The following POLE2 variants were observed in gnomAD, a reference collection of about 807,000 sequenced individuals.
The protein encoded by POLE2 is DNA polymerase epsilon subunit 2.
Under a neutral mutation model 79.4 loss-of-function variants are expected in POLE2, and 56 were observed. That is an observed-to-expected ratio of 0.71 (90% CI 0.57 to 0.88). The LOEUF (loss-of-function observed/expected upper bound fraction) is 0.88, where lower values mean the gene tolerates loss of function less well. POLE2 is among the 40% of genes least tolerant of loss of function. POLE2 has a pLI of 0.00. For synonymous variants in POLE2, 212 were observed against 214.0 expected (o/e 0.99, Z 0.08); for missense variants, 598 against 638.9 (o/e 0.94, Z 0.69).
chr14:49,651,607 C>A, intron 15 of POLE2: 1 of 352,002 alleles, frequency 2.8e-6, no homozygotes, highest in Non-Finnish European at 5.1e-6. Context: ...TCCCAGCCCT[C>A]ATACAGTTTA....
chr14:49,659,232 C>G (rs1422117506), intron 10 of POLE2, among the ~76,000 whole-genome samples: 1 of 147,430 alleles, frequency 6.8e-6, no homozygotes, highest in Non-Finnish European at 1.5e-5. Flanking sequence ...GCCTGAGCAA[C>G]ATAGTGAAGA....
At chr14:49,682,149 C>G (rs1032047530) in intron 2 of POLE2, among the ~76,000 whole-genome samples, 2 of 151,004 alleles carry the variant, frequency 1.3e-5, no homozygotes, top group Admixed American at 6.6e-5. Flanking sequence ...GGATTACAGG[C>G]GCCTGCCACC....
chr14:49,679,733 A>C lies in POLE2; in HGVS notation c.237T>G (p.Asp79Glu). The C allele has an allele frequency of 6.3e-7, 1 of 1,585,558 alleles. No homozygotes were observed. The highest frequency in any genetic ancestry group is 8.7e-7 in the Non-Finnish European group (1 of 1,154,340). Residue 79 changes from aspartate to glutamate, a missense_variant, in exon 3 of 19, where the codon GAT becomes GAG. Physicochemically the swap from Asp to Glu is conservative, Grantham distance 45 (BLOSUM62 2). Transcript: ENST00000216367. ...TAACTGTACCCACATACATAGTTTC[A>C]TCAACAGACTGACTGCATTCCTGGA... is the stretch of plus-strand genomic sequence containing the variant. ...AAVQECSQSV[D>E]ETIEHVFNII...
chr14:49,659,443 C>T (rs1043850570), intron 10 of POLE2, among the ~76,000 whole-genome samples: 4 of 152,038 alleles, frequency 2.6e-5, no homozygotes, highest in South Asian at 2.1e-4. Flanking sequence ...CTCACAAAAT[C>T]AGGATACAAA....
intron 10 of POLE2, among the ~76,000 whole-genome samples, chr14:49,658,858 T>C (rs966996381): frequency 6.6e-6 from 1 of 152,254 alleles, no homozygotes; most frequent in African/African-American, 2.4e-5. Flanking sequence ...ATGTATTTAC[T>C]GTACTTTTAA....
chr14:49,656,524 G>A (rs1884691752), intron 10 of POLE2, among the ~76,000 whole-genome samples: 1 of 152,062 alleles, frequency 6.6e-6, no homozygotes, highest in Non-Finnish European at 1.5e-5. Context: ...TAATCCTAAG[G>A]AATTAAAGAT....
At position 49,679,717 on chromosome 14, in the gene POLE2, C is replaced by G. The variant is rs1335682623; in HGVS notation, c.245+8G>C. 4 of 1,504,916 alleles carry G rather than the reference C, an allele frequency of 2.7e-6. No homozygotes were observed. In the African/African-American group the frequency reaches 5.5e-5, roughly 21 times the overall value. 93.2% of individuals were successfully genotyped at this position (1,504,916 alleles called of 1,614,324 possible). On this transcript the variant is annotated splice_region_variant and intron_variant, in intron 3 of 18. Transcript: ENST00000216367. Reference sequence around the variant, plus strand: ...CAAGGAGGAAAAAAGTTAACTGTACCCACATACATAGTTTCATCAACAGAC... The same window carrying G: ...CAAGGAGGAAAAAAGTTAACTGTACGCACATACATAGTTTCATCAACAGAC...
At chr14:49,681,123 A>C (rs2139688122) in intron 2 of POLE2, among the ~76,000 whole-genome samples, 1 of 152,344 alleles carries the variant, frequency 6.6e-6, no homozygotes, top group Admixed American at 6.5e-5. Flanking sequence ...TGCTAAGATA[A>C]AGTGGACAGT....
chr14:49,685,671 T>C (rs566609671), intron 1 of POLE2, among the ~76,000 whole-genome samples: 1 of 152,252 alleles, frequency 6.6e-6, no homozygotes, highest in Admixed American at 6.5e-5. Context: ...CAGGCTGAAG[T>C]GCAGTGGCGT....
intron 1 of POLE2, among the ~76,000 whole-genome samples, chr14:49,686,306 G>GC (rs1887132658): frequency 1.3e-5 from 2 of 152,176 alleles, no homozygotes; most frequent in African/African-American, 4.8e-5. Context: ...TCACCTCCTT[G>GC]ATTAGGTTGC....
intron 5 of POLE2, among the ~76,000 whole-genome samples, chr14:49,673,321 C>A (rs554226440): frequency 8.5e-5 from 13 of 152,308 alleles, no homozygotes; most frequent in Middle Eastern, 6.8e-3. Context: ...TTCCAAAGCA[C>A]CTCACACAAG....
At chr14:49,657,318 G>A (rs1232012915) in intron 10 of POLE2, among the ~76,000 whole-genome samples, 1 of 151,922 alleles carries the variant, frequency 6.6e-6, no homozygotes, top group African/African-American at 2.4e-5. Context: ...GCAAGGTACA[G>A]TATGTATCCA....
chr14:49,649,069 C>A (rs922859749), intron 17 of POLE2, among the ~76,000 whole-genome samples: 3 of 150,208 alleles, frequency 2.0e-5, no homozygotes, highest in Non-Finnish European at 3.0e-5. Context: ...TTTGACATAA[C>A]TGTGTTTATG....
At chr14:49,677,399 G>A in intron 3 of POLE2, 1 of 481,922 alleles carries the variant, frequency 2.1e-6, no homozygotes, top group Non-Finnish European at 3.8e-6. Context: ...GGCCATTCAT[G>A]CCAAGGGTTA....
At chr14:49,671,968 T>A (rs1885930706) in intron 5 of POLE2, among the ~76,000 whole-genome samples, 2 of 151,348 alleles carry the variant, frequency 1.3e-5, no homozygotes, top group Non-Finnish European at 2.9e-5. Flanking sequence ...ATAAAATAAA[T>A]AAAAAAGAAA....
intron 2 of POLE2, among the ~76,000 whole-genome samples, chr14:49,682,665 AAG>A (rs1886813361): frequency 6.7e-6 from 1 of 149,340 alleles, no homozygotes; most frequent in Non-Finnish European, 1.5e-5. Flanking sequence ...AAAAAAAAAA[AAG>A]TCTATTTTCT....
intron 10 of POLE2, among the ~76,000 whole-genome samples, chr14:49,662,592 TG>T (rs2069951821): frequency 6.6e-6 from 1 of 152,228 alleles, no homozygotes; most frequent in African/African-American, 2.4e-5. Flanking sequence ...CTGCCCAAAG[TG>T]GGCAACCACT....
intron 5 of POLE2, among the ~76,000 whole-genome samples, chr14:49,673,489 T>C (rs1278455567): frequency 6.6e-6 from 1 of 152,218 alleles, no homozygotes; most frequent in Non-Finnish European, 1.5e-5. Context: ...TCACCACCTT[T>C]TCCCCATTTC....
chr14:49,687,429 T>C (rs1887233957), intron 1 of POLE2, among the ~76,000 whole-genome samples: 1 of 151,842 alleles, frequency 6.6e-6, no homozygotes, highest in South Asian at 2.1e-4. Context: ...AACACGGATA[T>C]GCCCAGGAAA....
Sources: allele counts gnomAD v4.1 joint callset (sites outside exome capture counted in the v4.1 genomes callset), GRCh38; gene constraint gnomAD v4.1.1; transcripts MANE v1.5; gene names NCBI Gene and HGNC (gene_info 2026-07-23, HGNC 2026-07-21).